Variants in WDR47 observed in about 807,000 individuals in gnomAD.
WDR47 encodes WD repeat-containing protein 47.
A neutral mutation model predicts 97.2 loss-of-function variants in WDR47; 32 were observed. That is an observed-to-expected ratio of 0.33 (90% confidence interval 0.25 to 0.44). WDR47 has a LOEUF of 0.44. Ranked by LOEUF, WDR47 falls within the 20% of genes least tolerant of loss-of-function variation. The pLI is 1.00. For missense variants in WDR47, 782 were observed against 1,102.3 expected (o/e 0.71, Z 4.11); for synonymous variants, 375 against 373.5 (o/e 1.00, Z -0.05).
intron 14 of WDR47, among the ~76,000 whole-genome samples, chr1:108,973,127 C>T (rs1338891135): frequency 6.6e-6 from 1 of 151,958 alleles, no homozygotes; most frequent in Non-Finnish European, 1.5e-5. Flanking sequence ...CCTGGCCTGG[C>T]TTGTTCCTCC....
rs931720158 is a variant in WDR47 at position 108,971,303 on chromosome 1, G to T, written c.*127C>A. The T allele has an allele frequency of 2.0e-5, 25 of 1,278,606 alleles. No homozygotes were observed. The Admixed American group carries it at 5.2e-4, about 27-fold the overall frequency. The allele number at this position is 1,278,606 out of a possible 1,614,324, so 79.2% of individuals were successfully genotyped here. ...AACACCTCCTATCAGTGGGATACAT[G>T]GTAATAAGGGGCCTCTTCGTGCTAA... On this transcript the variant is annotated 3_prime_UTR_variant, in exon 15 of 15. Transcript: ENST00000369962.
chr1:109,012,085 C>T (rs148951854), intron 4 of WDR47, among the ~76,000 whole-genome samples: 13 of 152,164 alleles, frequency 8.5e-5, no homozygotes, highest in African/African-American at 2.9e-4. Flanking sequence ...GTAGCTGGGA[C>T]CACAGGTGTG....
rs1660266297 is a variant in WDR47 at position 109,002,249 on chromosome 1, TCTG to T, written c.1405_1407del (p.Gln469del). 1.9e-6 allele frequency: 3 copies of T among 1,603,764 alleles called. No homozygotes were observed. The highest frequency in any genetic ancestry group is 1.7e-6 in the Non-Finnish European group (2 of 1,177,784). Reference sequence around the variant, plus strand: ...CTATTAAGGAACTGTTCAGTAAGATTCTGCTGCTGATCAGGACCATCCTCCTGA... The same window carrying T: ...CTATTAAGGAACTGTTCAGTAAGATTCTGCTGATCAGGACCATCCTCCTGA... On this transcript the variant is annotated inframe_deletion, in exon 7 of 15. Transcript: ENST00000369962.
In WDR47 at chr1:108,971,488, A is replaced by G; in HGVS notation, c.2702T>C (p.Leu901Pro). 1 of 1,614,232 alleles carries G rather than the reference A, an allele frequency of 6.2e-7. No individual in the cohort carries two copies. Among genetic ancestry groups the G allele is most frequent in the Non-Finnish European group, 8.5e-7 (1 of 1,180,044 alleles). The change falls in exon 15 of 15, where the codon CTT (leucine) becomes CCT (proline). Residue 901 changes from leucine to proline, a missense_variant. Around this residue, in one of 3 missense-constraint regions of WDR47, gnomAD observed 228 missense variants for 396.7 expected, o/e 0.57. Coordinates refer to ENST00000369962, the MANE Select transcript of WDR47 (RefSeq NM_001142551.2). ...ATCTGCAGAGGATGACAGGAAGGAA[A>G]GATCCTGGGTGTGCCATCTGCACTG... ...VIQCRWHTQD[L>P]SFLSSSADRT...
chr1:109,037,246 T>C (rs1663018267), intron 1 of WDR47, among the ~76,000 whole-genome samples: 1 of 150,738 alleles, frequency 6.6e-6, no homozygotes, highest in South Asian at 2.1e-4. Context: ...GGAGAATCAC[T>C]TGAACCTGGA....
chr1:109,032,874 G>GT (rs1662695838), intron 1 of WDR47, among the ~76,000 whole-genome samples: 1 of 152,008 alleles, frequency 6.6e-6, no homozygotes. Flanking sequence ...TCCAGCCTGG[G>GT]TGACAGAGTG....
At chr1:108,980,652 C>A (rs1376819848) in intron 13 of WDR47, among the ~76,000 whole-genome samples, 2 of 151,992 alleles carry the variant, frequency 1.3e-5, no homozygotes, top group Middle Eastern at 3.2e-3. Flanking sequence ...TCACCTGAAC[C>A]TGGGAGGCAA....
chr1:108,986,780 T>C (rs779441449), intron 9 of WDR47, 100 bp from the exon 10 acceptor site: 3 of 1,054,302 alleles, frequency 2.8e-6, no homozygotes, highest in Non-Finnish European at 4.0e-6. Flanking sequence ...ATTATTCTTG[T>C]TGGATCATGT....
chr1:109,040,625 T>C (rs540231406), intron 1 of WDR47, among the ~76,000 whole-genome samples: 62 of 152,268 alleles, frequency 4.1e-4, no homozygotes, highest in African/African-American at 1.4e-3. Flanking sequence ...TCCATTACCG[T>C]GTAATAATGT....
At chr1:108,993,322 T>A (rs1303496856) in intron 8 of WDR47, among the ~76,000 whole-genome samples, 2 of 147,132 alleles carry the variant, frequency 1.4e-5, no homozygotes, top group Non-Finnish European at 3.0e-5. Context: ...TGAGACACTG[T>A]CTCAAAAAAA....
chr1:108,992,124 TTAGA>T (rs1288898534), intron 8 of WDR47, among the ~76,000 whole-genome samples: 1 of 152,088 alleles, frequency 6.6e-6, no homozygotes, highest in African/African-American at 2.4e-5. Flanking sequence ...ATTTAAATCC[TTAGA>T]TATAAGAGGA....
intron 13 of WDR47, among the ~76,000 whole-genome samples, chr1:108,975,478 G>A (rs944286212): frequency 1.3e-5 from 2 of 151,726 alleles, no homozygotes; most frequent in East Asian, 1.9e-4. Context: ...AAAGTTAGCC[G>A]AACGGAGTGG....
chr1:108,993,257 C>T (rs1047199092), intron 8 of WDR47, among the ~76,000 whole-genome samples: 7 of 151,202 alleles, frequency 4.6e-5, no homozygotes, highest in South Asian at 2.1e-4. Flanking sequence ...CCCAGGAGGC[C>T]GGGGGTTGCA....
chr1:109,031,887 C>A (rs2102035615), intron 1 of WDR47, among the ~76,000 whole-genome samples: 1 of 133,446 alleles, frequency 7.5e-6, no homozygotes, highest in African/African-American at 2.7e-5. Flanking sequence ...GCAGCCTTGA[C>A]CACCTGAGCT....
intron 5 of WDR47, among the ~76,000 whole-genome samples, chr1:109,009,387 A>G (rs542758369): frequency 1.1e-4 from 16 of 152,308 alleles, no homozygotes; most frequent in African/African-American, 3.8e-4. Context: ...TGAAGGAAAA[A>G]CTGAATGGTG....
At chr1:109,038,450 A>G (rs501148) in intron 1 of WDR47, among the ~76,000 whole-genome samples, 149,779 of 152,180 alleles carry the variant, frequency 0.98, 73,763 homozygotes, top group East Asian at 1. Flanking sequence ...AAGCCAAGGC[A>G]GGCAGGTCAC....
rs543984146 is a variant in WDR47 at position 109,019,382 on chromosome 1, C to CAA, written c.159-1783_159-1782dup. On this transcript the variant is annotated intron_variant, in intron 2 of 14. Coordinates refer to ENST00000369962, the MANE Select transcript of WDR47 (RefSeq NM_001142551.2). ...TGGGCGACAGAGTGAGACTCTGTCTCAAAAAAAAAAAAAAAAAAAGCTGGG... is the reference window on the plus strand; with the variant it reads ...TGGGCGACAGAGTGAGACTCTGTCTCAAAAAAAAAAAAAAAAAAAAAGCTGGG... Among the ~76,000 whole-genome samples the CAA allele has an allele frequency of 2.2e-3, 133 of 61,398 alleles. 1 individual carries two copies. Among genetic ancestry groups the CAA allele is most frequent in the Middle Eastern group, 8.6e-3 (1 of 116 alleles). 40.3% of individuals were successfully genotyped at this position (61,398 alleles called of 152,430 possible).
chr1:108,999,243 T>A (rs1210106915), intron 7 of WDR47, among the ~76,000 whole-genome samples: 5 of 142,886 alleles, frequency 3.5e-5, no homozygotes, highest in East Asian at 4.0e-4. Context: ...AAAAAAAAAA[T>A]TATATTAAAG....
intron 8 of WDR47, among the ~76,000 whole-genome samples, chr1:108,995,312 G>A (rs1659664441): frequency 6.6e-6 from 1 of 152,140 alleles, no homozygotes; most frequent in Admixed American, 6.6e-5. Context: ...TAAAACTGTA[G>A]GTTCTTTGAG....
Sources: gnomAD v4.1 joint callset for allele counts (sites outside exome capture counted in the v4.1 genomes callset) on GRCh38, gnomAD v4.1.1 for gene constraint, gnomAD v4.1.1 regional missense constraint, MANE v1.5 for transcripts, NCBI Gene and HGNC (gene_info 2026-07-23, HGNC 2026-07-21) for gene names.